C4orf36: variants seen among roughly 807,000 people sequenced by gnomAD.
C4orf36 encodes the protein uncharacterized protein C4orf36.
Under a neutral mutation model 12.2 loss-of-function variants are expected in C4orf36, and 11 were observed. The observed-to-expected ratio is 0.90, with a 90% CI of 0.57 to 1.49. The LOEUF (loss-of-function observed/expected upper bound fraction) is 1.49. Ranked by LOEUF, C4orf36 falls within the 40% of genes most tolerant of loss-of-function variation. The pLI is 0.00. For missense variants in C4orf36, 137 were observed against 133.9 expected (o/e 1.02, Z -0.11); for synonymous variants, 54 against 51.3 (o/e 1.05, Z -0.22).
At chr4:86,913,804 T>A in the C4orf36 span, 1 of 1,113,868 alleles carries the variant, frequency 9.0e-7, no homozygotes, top group Non-Finnish European at 1.3e-6. Context: ...CCCCAGTGCA[T>A]ACTGACTGGC....
chr4:86,929,256 C>G, the C4orf36 span, among the ~76,000 whole-genome samples: 1 of 152,128 alleles, frequency 6.6e-6, no homozygotes, highest in African/African-American at 2.4e-5. Context: ...AAGGTGTAGC[C>G]AGATGTATCT....
rs1394753821 is a variant in C4orf36 at position 86,892,403 on chromosome 4, T to G, written c.-294A>C. On this transcript the variant is annotated 5_prime_UTR_variant, in exon 1 of 5. Transcript: ENST00000295898. ...CCGCAGGCACACGCCTCCTTCCCGC[T>G]CGCCGCGGGCGCCGAGTCTGGGGCT... 1.0e-6 allele frequency: 1 copy of G among 985,358 alleles called. No individual in the cohort carries two copies. The highest frequency in any genetic ancestry group is 1.1e-4 in the East Asian group (1 of 8,786). 61.0% of individuals were successfully genotyped at this position (985,358 alleles called of 1,614,324 possible).
the C4orf36 span, among the ~76,000 whole-genome samples, chr4:86,912,906 TTTTC>T: frequency 1.3e-5 from 2 of 151,874 alleles, no homozygotes; most frequent in African/African-American, 2.4e-5. Flanking sequence ...TAGTTTTCGC[TTTTC>T]TTTTTTTTTT....
intron 4 of C4orf36, among the ~76,000 whole-genome samples, chr4:86,884,891 G>C (rs1043811526): frequency 2.6e-5 from 4 of 152,182 alleles, no homozygotes; most frequent in African/African-American, 4.8e-5. Flanking sequence ...AAGGTGTAAG[G>C]AAGGGATCCA....
chr4:86,884,299 AT>A (rs150771483), intron 4 of C4orf36, among the ~76,000 whole-genome samples: 21 of 49,614 alleles, frequency 4.2e-4, no homozygotes, highest in East Asian at 2.1e-3. Flanking sequence ...AAAAGACTGA[AT>A]TTTTTTTTTT....
At chr4:86,931,897 T>C in the C4orf36 span, among the ~76,000 whole-genome samples, 2 of 151,322 alleles carry the variant, frequency 1.3e-5, no homozygotes, top group African/African-American at 4.9e-5. Flanking sequence ...TGGCCGGGCG[T>C]GGTGGCAGGC....
Position 86,892,407 on chromosome 4 carries a change from C to T in C4orf36, c.-298G>A. On this transcript the variant is annotated 5_prime_UTR_variant, in exon 1 of 5. Coordinates refer to ENST00000295898, the MANE Select transcript of C4orf36 (RefSeq NM_144645.4). ...AGGCACACGCCTCCTTCCCGCTCGC[C>T]GCGGGCGCCGAGTCTGGGGCTCCTC... 1 of 985,558 alleles carries T rather than the reference C, an allele frequency of 1.0e-6. No individual in the cohort carries two copies. The highest frequency in any genetic ancestry group is 1.2e-6 in the Non-Finnish European group (1 of 830,046). The allele number at this position is 985,558 out of a possible 1,614,324, so 61.1% of individuals were successfully genotyped here.
chr4:86,927,618 G>A, the C4orf36 span, among the ~76,000 whole-genome samples: 2 of 152,044 alleles, frequency 1.3e-5, no homozygotes, highest in Non-Finnish European at 2.9e-5. Flanking sequence ...AATGCAAAAT[G>A]GTGAAACCCT....
At chr4:86,877,216 T>G (rs940241406) in intron 4 of C4orf36, among the ~76,000 whole-genome samples, 3 of 152,224 alleles carry the variant, frequency 2.0e-5, no homozygotes, top group African/African-American at 7.2e-5. Context: ...ACACTAAATT[T>G]CTGCTAACAA....
chr4:86,896,128 G>GA (rs1319755675), upstream of C4orf36, among the ~76,000 whole-genome samples: 2 of 152,048 alleles, frequency 1.3e-5, no homozygotes, highest in African/African-American at 2.4e-5. Flanking sequence ...TATTAGAGAA[G>GA]AAAAAATGGA....
At chr4:86,912,910 C>A in the C4orf36 span, among the ~76,000 whole-genome samples, 3 of 141,410 alleles carry the variant, frequency 2.1e-5, no homozygotes, top group African/African-American at 7.8e-5. Context: ...TTTCGCTTTT[C>A]TTTTTTTTTT....
chr4:86,929,662 C>G, the C4orf36 span, among the ~76,000 whole-genome samples: 1 of 152,196 alleles, frequency 6.6e-6, no homozygotes, highest in African/African-American at 2.4e-5. Flanking sequence ...CTTCTAGATA[C>G]GAACTCTCTG....
At chr4:86,934,876 T>C in the C4orf36 span, 7 of 151,588 alleles carry the variant, frequency 4.6e-5, no homozygotes, top group African/African-American at 1.7e-4. Context: ...CCTTGCCGCT[T>C]GGGTGGCGCC....
the C4orf36 span, among the ~76,000 whole-genome samples, chr4:86,901,151 A>ATTTTTTT: frequency 6.6e-6 from 1 of 151,092 alleles, no homozygotes; most frequent in African/African-American, 2.4e-5. Context: ...CACCCGGCTA[A>ATTTTTTT]TTTTTGTATT....
chr4:86,911,713 G>C, the C4orf36 span, among the ~76,000 whole-genome samples: 1 of 152,080 alleles, frequency 6.6e-6, no homozygotes, highest in African/African-American at 2.4e-5. Context: ...TTAGAGACAG[G>C]GTTTTGCTCT....
At chr4:86,881,992 T>C (rs1705535436) in intron 4 of C4orf36, among the ~76,000 whole-genome samples, 2 of 152,232 alleles carry the variant, frequency 1.3e-5, no homozygotes, top group African/African-American at 4.8e-5. Flanking sequence ...AAATTTTCAA[T>C]CAATGATCGT....
chr4:86,922,949 C>G, the C4orf36 span, among the ~76,000 whole-genome samples: 11 of 139,608 alleles, frequency 7.9e-5, no homozygotes, highest in East Asian at 1.8e-3. Flanking sequence ...CTTCTTCTTC[C>G]TTTTTTTTTT....
the C4orf36 span, among the ~76,000 whole-genome samples, chr4:86,926,716 G>T: frequency 1.3e-5 from 2 of 152,068 alleles, no homozygotes; most frequent in Non-Finnish European, 2.9e-5. Flanking sequence ...CATTCTCTGG[G>T]TATACTTACG....
the C4orf36 span, among the ~76,000 whole-genome samples, chr4:86,903,381 C>T: frequency 1.3e-5 from 2 of 152,148 alleles, no homozygotes; most frequent in Non-Finnish European, 2.9e-5. Flanking sequence ...TGTGGTGGTG[C>T]ACACCTGTAG....
Sources: gnomAD v4.1 joint callset for allele counts (sites outside exome capture counted in the v4.1 genomes callset) on GRCh38, gnomAD v4.1.1 for gene constraint, MANE v1.5 for transcripts, NCBI Gene and HGNC (gene_info 2026-07-23, HGNC 2026-07-21) for gene names.